TBL1XR1: variants seen among roughly 807,000 people sequenced by gnomAD.
TBL1XR1 encodes F-box-like/WD repeat-containing protein TBL1XR1.
A neutral mutation model predicts 66.9 loss-of-function variants in TBL1XR1; 5 were observed. The ratio of observed to expected loss-of-function variants is 0.07; its 90% CI spans 0.04 to 0.16. TBL1XR1 has a LOEUF of 0.16. Among genes scored for constraint, TBL1XR1 ranks in the 10% least tolerant of loss-of-function variants. The pLI is 1.00. For missense variants in TBL1XR1, 238 were observed against 623.2 expected (o/e 0.38, Z 6.58); for synonymous variants, 210 against 206.0 (o/e 1.02, Z -0.17).
chr3:177,194,414 CCT>C lies in TBL1XR1; in HGVS notation c.-122+2705_-122+2706del, dbSNP rs577288253. Among the ~76,000 whole-genome samples, 319 of 152,276 alleles carry C rather than the reference CCT, an allele frequency of 2.1e-3. 7 individuals carry two copies. The highest frequency in any genetic ancestry group is 2.2e-3 in the Non-Finnish European group (151 of 68,020). The stretch of plus-strand genomic sequence containing the variant: ...ACCAATGTTTCTGCCATGCCTCTCC[CCT>C]GACTTCCTACCATTCACATTCTTCT... On this transcript the variant is annotated intron_variant, in intron 1 of 15. Transcript: ENST00000457928.
At chr3:177,109,957 C>CT (rs1480778929) in intron 1 of TBL1XR1, among the ~76,000 whole-genome samples, 2 of 152,156 alleles carry the variant, frequency 1.3e-5, no homozygotes, top group African/African-American at 4.8e-5. Flanking sequence ...TGTCCGCTTA[C>CT]TACTGGAAGG....
chr3:177,037,227 G>C (rs1478407871), intron 12 of TBL1XR1, among the ~76,000 whole-genome samples: 4 of 152,192 alleles, frequency 2.6e-5, no homozygotes, highest in African/African-American at 9.7e-5. Flanking sequence ...CAAAGATTTT[G>C]AGTACTTATT....
intron 1 of TBL1XR1, among the ~76,000 whole-genome samples, chr3:177,142,099 G>A (rs563063128): frequency 3.2e-4 from 49 of 152,296 alleles, no homozygotes; most frequent in African/African-American, 1.1e-3. Context: ...CAGTTTTGCA[G>A]GATGAATACT....
chr3:177,054,057 T>TGTGTGTGTGTGTGTGCGC (rs1717470029), intron 3 of TBL1XR1, 139 bp from the exon 4 acceptor site: 1 of 638,732 alleles, frequency 1.6e-6, no homozygotes, highest in Non-Finnish European at 2.6e-6. Context: ...TGTGTGTGTG[T>TGTGTGTGTGTGTGTGCGC]GTGTGTGTGT....
At chr3:177,196,415 T>C (rs1736853049) in intron 1 of TBL1XR1, 1 of 151,812 alleles carries the variant, frequency 6.6e-6, no homozygotes, top group African/African-American at 2.4e-5. Context: ...AATACCTCCT[T>C]AAGACGATAA....
intron 7 of TBL1XR1, among the ~76,000 whole-genome samples, chr3:177,048,382 G>A (rs1249608092): frequency 2.6e-5 from 4 of 152,130 alleles, no homozygotes; most frequent in Non-Finnish European, 4.4e-5. Flanking sequence ...TGCATTACTT[G>A]ACATATTATT....
chr3:177,059,509 A>T (rs1718237058), intron 3 of TBL1XR1, among the ~76,000 whole-genome samples: 1 of 152,204 alleles, frequency 6.6e-6, no homozygotes, highest in Non-Finnish European at 1.5e-5. Context: ...TACAAATATA[A>T]CATTTGAAGT....
chr3:177,143,863 AGTGAGACTG>A (rs1729925996), intron 1 of TBL1XR1, among the ~76,000 whole-genome samples: 3 of 152,210 alleles, frequency 2.0e-5, no homozygotes. Flanking sequence ...TTGGGGAACA[AGTGAGACTG>A]GTAGAAATCT....
intron 1 of TBL1XR1, among the ~76,000 whole-genome samples, chr3:177,187,825 T>C (rs955303734): frequency 1.9e-4 from 27 of 143,500 alleles, no homozygotes; most frequent in Non-Finnish European, 2.8e-4. Flanking sequence ...AGATATCAAA[T>C]AGACTGACAC....
upstream of TBL1XR1, among the ~76,000 whole-genome samples, chr3:177,197,745 C>T (rs1489078617): frequency 2.0e-5 from 3 of 146,584 alleles, no homozygotes; most frequent in Non-Finnish European, 3.0e-5. Flanking sequence ...CTCTCCTTCC[C>T]GGCCCGCTCT....
In TBL1XR1 at chr3:177,149,003, C is replaced by CA. The variant is rs202218949; in HGVS notation, c.-122+48117dup. Among the ~76,000 whole-genome samples the CA allele has an allele frequency of 2.4e-3, 239 of 98,120 alleles. 1 individual carries two copies. The highest frequency in any genetic ancestry group is 6.4e-3 in the African/African-American group (178 of 27,990). The allele number at this position is 98,120 out of a possible 152,430, so 64.4% of individuals were successfully genotyped here. On this transcript the variant is annotated intron_variant, in intron 1 of 15. Transcript: ENST00000457928. ...TGGACAAAGAAGAGCAAAACTCCCT[C>CA]AAAAAAAAAGAAAAGAAAAGAAAAG...
chr3:177,142,390 A>C (rs151170121), intron 1 of TBL1XR1, among the ~76,000 whole-genome samples: 1 of 152,308 alleles, frequency 6.6e-6, no homozygotes, highest in East Asian at 1.9e-4. Flanking sequence ...GGTTCTGCAG[A>C]AATTTCTAGA....
At chr3:177,031,740 A>G (rs1212699189) in intron 14 of TBL1XR1, among the ~76,000 whole-genome samples, 1 of 150,074 alleles carries the variant, frequency 6.7e-6, no homozygotes, top group African/African-American at 2.4e-5. Context: ...AGCCCAGGCA[A>G]CATAGAAAGA....
intron 2 of TBL1XR1, among the ~76,000 whole-genome samples, chr3:177,078,211 T>C (rs541710771): frequency 6.6e-6 from 1 of 152,230 alleles, no homozygotes. Context: ...ATCAGCAGCC[T>C]GTATCTTATA....
At chr3:177,126,441 T>G (rs533535621) in intron 1 of TBL1XR1, among the ~76,000 whole-genome samples, 3 of 152,224 alleles carry the variant, frequency 2.0e-5, no homozygotes, top group Admixed American at 2.0e-4. Context: ...TCAGAGAAGC[T>G]TTAAATCATC....
chr3:177,115,980 C>A (rs957480418), intron 1 of TBL1XR1, among the ~76,000 whole-genome samples: 4 of 152,136 alleles, frequency 2.6e-5, no homozygotes, highest in Non-Finnish European at 5.9e-5. Context: ...CCAGGGGAAG[C>A]TTTTGCTTTA....
At chr3:177,078,426 T>C (rs1414793103) in intron 2 of TBL1XR1, among the ~76,000 whole-genome samples, 1 of 151,372 alleles carries the variant, frequency 6.6e-6, no homozygotes, top group Admixed American at 6.6e-5. Flanking sequence ...AAAAAAAATT[T>C]TGGTTTTAAT....
intron 1 of TBL1XR1, among the ~76,000 whole-genome samples, chr3:177,150,725 G>C (rs1007609947): frequency 6.6e-6 from 1 of 152,202 alleles, no homozygotes; most frequent in Middle Eastern, 3.2e-3. Context: ...GTAGGCCTCT[G>C]TTTAGGTGCC....
At chr3:177,112,054 A>C (rs1190720501) in intron 1 of TBL1XR1, among the ~76,000 whole-genome samples, 2 of 136,960 alleles carry the variant, frequency 1.5e-5, no homozygotes, top group Non-Finnish European at 3.1e-5. Flanking sequence ...AAGAAATAAG[A>C]CAACAAAGAT....
Sources: allele counts gnomAD v4.1 joint callset (sites outside exome capture counted in the v4.1 genomes callset), GRCh38; gene constraint gnomAD v4.1.1; transcripts MANE v1.5; gene names NCBI Gene and HGNC (gene_info 2026-07-23, HGNC 2026-07-21).